C9orf78: variants seen among roughly 807,000 people sequenced by gnomAD.
The protein encoded by C9orf78 is chromosome 9 open reading frame 78, also known as splicing factor C9orf78.
In C9orf78, 19 loss-of-function variants were observed where a neutral mutation model predicts 37.4. The ratio of observed to expected loss-of-function variants is 0.51; its 90% CI spans 0.35 to 0.74. The LOEUF (loss-of-function observed/expected upper bound fraction) is 0.74. Ranked by LOEUF, C9orf78 falls within the 30% of genes least tolerant of loss-of-function variation. The pLI, the probability that C9orf78 is intolerant of heterozygous loss-of-function variation, is 0.01. For missense variants in C9orf78, 291 were observed against 370.8 expected, an observed-to-expected ratio of 0.78 and a Z score of 1.77; for synonymous variants, 130 against 128.0, an observed-to-expected ratio of 1.02 and a Z score of -0.10.
rs1379768306 is a variant in C9orf78 at position 129,829,561 on chromosome 9, ACAC to A, written c.543-23_543-21del. Reference sequence around the variant, plus strand: ...TTAGCACTATGGAGAGAAAGAAACCACACCACTTAGAAGATGATAGCACCTTAC... The same window carrying A: ...TTAGCACTATGGAGAGAAAGAAACCACACTTAGAAGATGATAGCACCTTAC... On this transcript the variant is annotated intron_variant, in intron 6 of 8. Transcript: ENST00000372447. The A allele has an allele frequency of 6.2e-7, 1 of 1,609,564 alleles. No individual in the cohort carries two copies. Among genetic ancestry groups the A allele is most frequent in the Non-Finnish European group, 8.5e-7 (1 of 1,176,768 alleles).
Position 129,834,682 on chromosome 9 carries a change from C to T in C9orf78, c.143+25G>A, listed in dbSNP as rs200525467. The T allele has an allele frequency of 6.3e-5, 99 of 1,581,738 alleles. No individual in the cohort carries two copies. In the East Asian group the frequency reaches 2.2e-3, roughly 35 times the overall value. On this transcript the variant is annotated intron_variant, in intron 2 of 8. Transcript: ENST00000372447. ...ATGTGTCTGTCGTCCCCGCCGCCTCCTCCTCCTCCCCGCGTGGTACCCACC... is the reference window on the plus strand; with the variant it reads ...ATGTGTCTGTCGTCCCCGCCGCCTCTTCCTCCTCCCCGCGTGGTACCCACC...
rs376226199 is a variant in C9orf78 at position 129,831,025 on chromosome 9, C to T, written c.388G>A (p.Val130Met). 30 of 1,613,616 alleles carry T rather than the reference C, an allele frequency of 1.9e-5. No individual in the cohort carries two copies. The highest frequency in any genetic ancestry group is 2.2e-5 in the Non-Finnish European group (26 of 1,179,692). The change falls in exon 6 of 9, where the codon GTG (valine) becomes ATG (methionine). Residue 130 changes from valine (V) to methionine (M), a missense_variant. Around this residue, in one of 3 missense-constraint regions of C9orf78, gnomAD observed 158 missense variants for 174.8 expected, o/e 0.90. Transcript: ENST00000372447. The part of the protein sequence containing the change: ...ETELKKRKGI[V>M]EHEEQKVKPK... ...TTAACTTTCTGTTCCTCATGTTCCA[C>T]GATCCCTTTCCTCTTCTTTAGCTCT...
At chr9:129,833,096 T>A (rs1429365269) in intron 4 of C9orf78, among the ~76,000 whole-genome samples, 2 of 144,940 alleles carry the variant, frequency 1.4e-5, no homozygotes, top group Non-Finnish European at 1.5e-5. Flanking sequence ...TGTGTATACA[T>A]ACACACTTTT....
At chr9:129,829,071 C>A in intron 8 of C9orf78, 134 bp downstream of exon 8, 1 of 718,378 alleles carries the variant, frequency 1.4e-6, no homozygotes, top group Non-Finnish European at 2.5e-6. Context: ...TAGTCATGGT[C>A]CAGAGCATGG....
chr9:129,831,176 G>C, intron 5 of C9orf78, 108 bp from the exon 6 acceptor site: 1 of 719,416 alleles, frequency 1.4e-6, no homozygotes, highest in South Asian at 1.5e-5. Context: ...ACAGTCCATG[G>C]AGAAACGAGA....
At chr9:129,834,053 T>C (rs1159557573) in intron 2 of C9orf78, 1 of 267,388 alleles carries the variant, frequency 3.7e-6, no homozygotes, top group Non-Finnish European at 7.2e-6. Flanking sequence ...TGCAGCCTTA[T>C]TTGATAGTAA....
intron 5 of C9orf78, chr9:129,831,609 G>T: frequency 3.2e-6 from 1 of 314,672 alleles, no homozygotes; most frequent in Non-Finnish European, 6.0e-6. Context: ...TTTTCAGTAG[G>T]GACGGGGTTT....
chr9:129,834,563 CG>C, intron 2 of C9orf78, 143 bp downstream of exon 2: 1 of 661,676 alleles, frequency 1.5e-6, no homozygotes, highest in Non-Finnish European at 2.7e-6. Context: ...TTGCAAAGAA[CG>C]CTGTTCTCCA....
chr9:129,830,679 T>C, intron 6 of C9orf78, 192 bp downstream of exon 6: 1 of 532,052 alleles, frequency 1.9e-6, no homozygotes, highest in Non-Finnish European at 3.4e-6. Context: ...GCCCAGCTAA[T>C]TTTTGTATTT....
chr9:129,833,910 G>A (rs1179728928), intron 2 of C9orf78: 9 of 582,938 alleles, frequency 1.5e-5, no homozygotes, highest in Non-Finnish European at 1.8e-5. Flanking sequence ...AGAAGGGTGC[G>A]CTGGTGGTGA....
chr9:129,828,837 C>A, intron 8 of C9orf78: 1 of 365,448 alleles, frequency 2.7e-6, no homozygotes, highest in Non-Finnish European at 5.2e-6. Flanking sequence ...CTCAAGCAAT[C>A]CTCCTGTCCC....
At chr9:129,832,181 G>A (rs979157500) in intron 4 of C9orf78, among the ~76,000 whole-genome samples, 3 of 152,110 alleles carry the variant, frequency 2.0e-5, no homozygotes, top group Non-Finnish European at 4.4e-5. Flanking sequence ...TACCTCCAAG[G>A]ATTGAGTGGA....
At chr9:129,831,379 T>C (rs191382803) in intron 5 of C9orf78, 2 of 380,144 alleles carry the variant, frequency 5.3e-6, no homozygotes, top group East Asian at 1.0e-4. Context: ...CTGCAATGTT[T>C]TGGGGAAATA....
chr9:129,832,010 C>T (rs1286165622), intron 4 of C9orf78, 37 bp from the exon 5 acceptor site: 12 of 949,644 alleles, frequency 1.3e-5, no homozygotes, highest in Non-Finnish European at 2.1e-5. Context: ...GCTTTCAAGT[C>T]ACAACTCAAT....
rs1265098775 is a variant in C9orf78, at chr9:129,831,063, T to C, written c.350A>G (p.Lys117Arg). The C allele has an allele frequency of 6.2e-7, 1 of 1,611,644 alleles. No homozygotes were observed. The highest frequency in any genetic ancestry group is 8.5e-7 in the Non-Finnish European group (1 of 1,178,296). Residue 117 changes from lysine to arginine, a missense_variant, in exon 6 of 9, where the codon AAG (lysine) becomes AGG (arginine). Coordinates refer to ENST00000372447, the MANE Select transcript of C9orf78 (RefSeq NM_016520.3). ...CTTCTTTAGCTCTGTCTCAATGTAC[T>C]TCATCCTGAAGTGAGAAACCCAGAG... Reference protein sequence around the residue: ...NRRDEDADMMKYIETELKKRK... With the variant: ...NRRDEDADMMRYIETELKKRK...
Position 129,833,664 on chromosome 9 carries a change from A to G in C9orf78, c.189T>C (p.Thr63=). 6.2e-7 allele frequency: 1 copy of G among 1,609,814 alleles called. No homozygotes were observed. The highest frequency in any genetic ancestry group is 1.1e-5 in the South Asian group (1 of 90,954). The change falls in exon 3 of 9, where the codon ACT becomes ACC. Residue 63 remains threonine, a synonymous_variant. Coordinates refer to ENST00000372447, the MANE Select transcript of C9orf78 (RefSeq NM_016520.3). ...GGAAGACCCCATAACTTACCACTAG[A>G]GTGGTCTCCTCTTGTACCTTCTCTC... is the stretch of plus-strand genomic sequence containing the variant. ...LVGEKVQEET[T]LVDDPFQMKT... is the part of the protein sequence containing the mutation.
Position 129,829,196 on chromosome 9 carries a change from T to G in C9orf78, c.778+9A>C. ...CTCCAGGCAGCCCCGAGGCCTTTGT[T>G]GCACTCACGCTCAGGCTCTGGCTTC... is the stretch of plus-strand genomic sequence containing the variant. On this transcript the variant is annotated intron_variant, in intron 8 of 8. Transcript: ENST00000372447. The G allele has an allele frequency of 6.2e-7, 1 of 1,603,728 alleles. No individual in the cohort carries two copies. Among genetic ancestry groups the G allele is most frequent in the Non-Finnish European group, 8.5e-7 (1 of 1,170,684 alleles).
chr9:129,830,387 G>A, intron 6 of C9orf78: 1 of 163,090 alleles, frequency 6.1e-6, no homozygotes, highest in Non-Finnish European at 1.3e-5. Flanking sequence ...ATTTTTTTGA[G>A]AGACAGGAGT....
chr9:129,830,951 A>T lies in C9orf78; in HGVS notation c.462T>A (p.Arg154=). ...CCTCGGTCTTCTTTGCTGAGGAAACACGGATGTTTTCTGGAAGTTCATAAA... is the reference window on the plus strand; with the variant it reads ...CCTCGGTCTTCTTTGCTGAGGAAACTCGGATGTTTTCTGGAAGTTCATAAA... ...DCLYELPENI[R]VSSAKKTEEM... Residue 154 remains arginine, a synonymous_variant, in exon 6 of 9, where the codon CGT becomes CGA. Transcript: ENST00000372447. The T allele has an allele frequency of 1.9e-6, 3 of 1,613,802 alleles. No individual in the cohort carries two copies. The highest frequency in any genetic ancestry group is 2.5e-6 in the Non-Finnish European group (3 of 1,179,664).
Sources: allele counts gnomAD v4.1 joint callset (sites outside exome capture counted in the v4.1 genomes callset), GRCh38; gene constraint gnomAD v4.1.1; regional missense constraint gnomAD v4.1.1; transcripts MANE v1.5; gene names NCBI Gene and HGNC (gene_info 2026-07-23, HGNC 2026-07-21).